AGBL4: variants seen among roughly 807,000 people sequenced by gnomAD.
AGBL4 encodes the protein AGBL carboxypeptidase 4.
A neutral mutation model predicts 66.4 loss-of-function variants in AGBL4; 58 were observed. The observed-to-expected ratio is 0.87, with a 90% confidence interval of 0.71 to 1.09. The LOEUF (loss-of-function observed/expected upper bound fraction) is 1.09, where lower values mean the gene tolerates loss of function less well. AGBL4 is among the 50% of genes least tolerant of loss of function. AGBL4 has a pLI of 0.00. For missense variants in AGBL4, 579 were observed against 631.0 expected (o/e 0.92, Z 0.88); for synonymous variants, 234 against 222.9 (o/e 1.05, Z -0.44).
chr1:48,660,477 G>A (rs532806801), intron 7 of AGBL4, among the ~76,000 whole-genome samples: 1 of 152,346 alleles, frequency 6.6e-6, no homozygotes, highest in South Asian at 2.1e-4. Context: ...GCTGATGGGG[G>A]CTGAGGGAAG....
intron 11 of AGBL4, chr1:48,586,253 G>A (rs555689800): frequency 4.6e-5 from 7 of 152,260 alleles, no homozygotes; most frequent in Admixed American, 1.3e-4. Flanking sequence ...AGTTTTCAGA[G>A]AAATTTTATG....
intron 5 of AGBL4, among the ~76,000 whole-genome samples, chr1:48,947,101 A>T (rs1014151542): frequency 2.0e-5 from 3 of 152,038 alleles, no homozygotes; most frequent in African/African-American, 7.3e-5. Context: ...CTTCCCTGTT[A>T]CTTCTCCTTT....
At chr1:49,945,158 A>G (rs532430501) in intron 1 of AGBL4, among the ~76,000 whole-genome samples, 1 of 152,296 alleles carries the variant, frequency 6.6e-6, no homozygotes, top group East Asian at 1.9e-4. Flanking sequence ...ATAATTGAGG[A>G]AAACTTCCCC....
intron 8 of AGBL4, among the ~76,000 whole-genome samples, chr1:48,637,473 C>T (rs1248304383): frequency 6.6e-6 from 1 of 152,186 alleles, no homozygotes; most frequent in Non-Finnish European, 1.5e-5. Context: ...CATGATTTTG[C>T]CCCGTCTCCC....
chr1:49,147,867 G>A (rs1646249932), intron 4 of AGBL4, among the ~76,000 whole-genome samples: 1 of 152,070 alleles, frequency 6.6e-6, no homozygotes, highest in South Asian at 2.1e-4. Flanking sequence ...CCAGGTCTTA[G>A]GCTGGGGGAG....
intron 6 of AGBL4, among the ~76,000 whole-genome samples, chr1:48,718,953 T>C (rs1433730174): frequency 6.6e-6 from 1 of 152,198 alleles, no homozygotes; most frequent in East Asian, 1.9e-4. Context: ...AGCAACAGCC[T>C]TAAATGTTGA....
intron 11 of AGBL4, among the ~76,000 whole-genome samples, chr1:48,555,493 G>A (rs1469719649): frequency 6.6e-6 from 1 of 152,224 alleles, no homozygotes; most frequent in East Asian, 1.9e-4. Flanking sequence ...TCCCTTTGAA[G>A]ATGTTTGTCA....
intron 4 of AGBL4, among the ~76,000 whole-genome samples, chr1:49,244,201 G>GA (rs909346027): frequency 6.3e-4 from 96 of 151,940 alleles, no homozygotes; most frequent in African/African-American, 2.3e-3. Flanking sequence ...ACAGAATATG[G>GA]AAAAATATAT....
intron 4 of AGBL4, among the ~76,000 whole-genome samples, chr1:49,157,439 C>G (rs967624003): frequency 2.4e-4 from 36 of 152,118 alleles, no homozygotes; most frequent in South Asian, 4.1e-4. Context: ...GCATAGTATT[C>G]CATGGTGGAT....
chr1:48,714,907 A>G (rs1422687243), intron 6 of AGBL4, among the ~76,000 whole-genome samples: 2 of 152,230 alleles, frequency 1.3e-5, no homozygotes, highest in African/African-American at 4.8e-5. Context: ...CCCCTATGAT[A>G]TGCTAGACAA....
chr1:49,372,487 G>C (rs1644367237), intron 3 of AGBL4, among the ~76,000 whole-genome samples: 1 of 152,016 alleles, frequency 6.6e-6, no homozygotes, highest in Non-Finnish European at 1.5e-5. Context: ...CTTTGTTCAT[G>C]CTGCTCTACC....
At chr1:49,535,023 C>A (rs1055119744) in intron 3 of AGBL4, among the ~76,000 whole-genome samples, 9 of 152,180 alleles carry the variant, frequency 5.9e-5, no homozygotes, top group Non-Finnish European at 1.2e-4. Context: ...CTCCTTCCTT[C>A]CCCTTGAAAA....
At chr1:49,952,779 G>T (rs537273318) in intron 1 of AGBL4, among the ~76,000 whole-genome samples, 2 of 152,014 alleles carry the variant, frequency 1.3e-5, no homozygotes, top group South Asian at 4.1e-4. Flanking sequence ...AAAAAGGCTT[G>T]CAGATACAGG....
At chr1:49,448,246 G>A (rs1211705361) in intron 3 of AGBL4, among the ~76,000 whole-genome samples, 1 of 152,138 alleles carries the variant, frequency 6.6e-6, no homozygotes, top group Non-Finnish European at 1.5e-5. Flanking sequence ...TAATTATGGA[G>A]AACAAATGGT....
chr1:49,947,733 G>A (rs1006166299), intron 1 of AGBL4, among the ~76,000 whole-genome samples: 12 of 150,052 alleles, frequency 8.0e-5, no homozygotes, highest in South Asian at 2.1e-4. Context: ...CATCCAAATC[G>A]GTAAAGAGGA....
intron 3 of AGBL4, among the ~76,000 whole-genome samples, chr1:49,487,904 TA>T (rs1647102791): frequency 6.6e-6 from 1 of 151,860 alleles, no homozygotes; most frequent in African/African-American, 2.4e-5. Flanking sequence ...TTTCAACAAC[TA>T]AATGAAGGCA....
rs923984022 is a variant in AGBL4, at chr1:48,867,205, G to A, written c.620C>T (p.Thr207Met). Reference sequence around the variant, plus strand: ...CGCCTACTCACCAGGGCTGGTTATCGTCAGGAGGTCAAGCTTTCGTTGTTG... The same window carrying A: ...CGCCTACTCACCAGGGCTGGTTATCATCAGGAGGTCAAGCTTTCGTTGTTG... ...SVQQRKLDLL[T>M]ITSPDNLREG... Residue 207 changes from threonine to methionine, a missense_variant, in exon 6 of 14, where the codon ACG becomes ATG. Transcript: ENST00000371839. 22 of 1,613,574 alleles carry A rather than the reference G, an allele frequency of 1.4e-5. No homozygotes were observed. Among genetic ancestry groups the A allele is most frequent in the Non-Finnish European group, 1.7e-5 (20 of 1,179,746 alleles).
chr1:48,588,749 C>T lies in AGBL4; in HGVS notation c.1105-1583G>A, dbSNP rs183787443. On this transcript the variant is annotated intron_variant, in intron 10 of 13. Transcript: ENST00000371839. ...GTCAGATCTGAAAGACCTTTGAAAT[C>T]CATGTAGTAAACTCCAACTCTCCTG... 2.0e-5 allele frequency among the ~76,000 whole-genome samples: 3 copies of T among 149,312 alleles called. No homozygotes were observed. In the East Asian group the frequency reaches 5.9e-4, roughly 29 times the overall value.
chr1:49,011,944 G>T (rs1421221630), intron 5 of AGBL4, among the ~76,000 whole-genome samples: 1 of 151,224 alleles, frequency 6.6e-6, no homozygotes, highest in African/African-American at 2.4e-5. Flanking sequence ...TGACAAGTTA[G>T]TGGGTGCAGC....
Sources: allele counts gnomAD v4.1 joint callset (sites outside exome capture counted in the v4.1 genomes callset), GRCh38; gene constraint gnomAD v4.1.1; transcripts MANE v1.5; gene names NCBI Gene and HGNC (gene_info 2026-07-23, HGNC 2026-07-21).